The following UBE2E1 variants were observed in gnomAD, a reference collection of about 807,000 sequenced individuals.
The protein encoded by UBE2E1 is ubiquitin conjugating enzyme E2 E1, also known as ubiquitin-conjugating enzyme E2 E1.
UBE2E1 carries 6 observed loss-of-function variants against 21.4 expected under a neutral mutation model. That is an observed-to-expected ratio of 0.28 (90% CI 0.15 to 0.55). UBE2E1 has a LOEUF of 0.55. UBE2E1 is among the 20% of genes least tolerant of loss of function. The pLI, the probability that UBE2E1 is intolerant of heterozygous loss-of-function variation, is 0.93. For synonymous variants in UBE2E1, 87 were observed against 82.7 expected (o/e 1.05, Z -0.28); for missense variants, 142 against 236.5 (o/e 0.60, Z 2.62).
rs546019268 is a variant in UBE2E1, at chr3:23,881,763, G to C, written c.204-5804G>C. 1.6e-3 allele frequency among the ~76,000 whole-genome samples: 250 copies of C among 152,300 alleles called. 1 individual carries two copies. Among genetic ancestry groups the C allele is most frequent in the African/African-American group, 5.9e-3 (247 of 41,574 alleles). ...CAAGAATGAAGCCGCGGACCCTCAC[G>C]GTGAGTGTTAACAGTTCTTAAAGAT... On this transcript the variant is annotated intron_variant, in intron 3 of 5. Transcript: ENST00000306627.
At chr3:23,875,669 G>A (rs1247534895) in intron 3 of UBE2E1, among the ~76,000 whole-genome samples, 1 of 152,216 alleles carries the variant, frequency 6.6e-6, no homozygotes, top group East Asian at 1.9e-4. Context: ...CACTGTTGGA[G>A]ATCTTAAGTG....
chr3:23,889,841 G>C (rs920551105), intron 5 of UBE2E1: 2 of 819,610 alleles, frequency 2.4e-6, no homozygotes, highest in Non-Finnish European at 2.9e-6. Context: ...AGTGAGCCAT[G>C]AGCATGTCAC....
chr3:23,831,942 C>CGCCG (rs1559479789), intron 3 of UBE2E1, among the ~76,000 whole-genome samples: 2 of 152,056 alleles, frequency 1.3e-5, no homozygotes, highest in African/African-American at 4.8e-5. Flanking sequence ...TCAGGTGATT[C>CGCCG]GCCTGCCTCC....
At chr3:23,854,079 G>A (rs111889665) in intron 3 of UBE2E1, among the ~76,000 whole-genome samples, 121 of 152,070 alleles carry the variant, frequency 8.0e-4, no homozygotes, top group African/African-American at 2.8e-3. Flanking sequence ...CCAACATGGC[G>A]AAACCCCACG....
At chr3:23,872,445 G>T (rs887650782) in intron 3 of UBE2E1, among the ~76,000 whole-genome samples, 2 of 152,016 alleles carry the variant, frequency 1.3e-5, no homozygotes, top group African/African-American at 2.4e-5. Flanking sequence ...TTAATGTCTG[G>T]GAGTAAGAAT....
chr3:23,863,864 G>C lies in UBE2E1; in HGVS notation c.204-23703G>C, dbSNP rs187061575. On this transcript the variant is annotated intron_variant, in intron 3 of 5. Coordinates refer to ENST00000306627, the MANE Select transcript of UBE2E1 (RefSeq NM_003341.5). This position sits in a 1 kb window ranked among gnomAD's most constrained non-coding sequence, Gnocchi z 4.3. ...TCTTTTTTGAAGAAATCTCTCCCCAGAGCCATCTGACCTCTTCTGGTTTTA... is the reference window on the plus strand; with the variant it reads ...TCTTTTTTGAAGAAATCTCTCCCCACAGCCATCTGACCTCTTCTGGTTTTA... 4.1e-3 allele frequency among the ~76,000 whole-genome samples: 619 copies of C among 152,256 alleles called. 2 individuals are homozygous for C. Among genetic ancestry groups the C allele is most frequent in the Non-Finnish European group, 6.5e-3 (440 of 68,018 alleles).
rs1428890989 is a variant in UBE2E1, at chr3:23,887,534, C to A, written c.204-33C>A. 1.9e-6 allele frequency: 3 copies of A among 1,588,174 alleles called. No homozygotes were observed. ...CACTGTAAAAATTGGGATAGTGCCACCATCTGCTTATTTGTTGACGTATTA... is the reference window on the plus strand; with the variant it reads ...CACTGTAAAAATTGGGATAGTGCCAACATCTGCTTATTTGTTGACGTATTA... On this transcript the variant is annotated intron_variant, in intron 3 of 5. Coordinates refer to ENST00000306627, the MANE Select transcript of UBE2E1 (RefSeq NM_003341.5). This position sits in a 1 kb window ranked among gnomAD's most constrained non-coding sequence, Gnocchi z 4.4.
intron 3 of UBE2E1, among the ~76,000 whole-genome samples, chr3:23,821,234 G>T (rs1699636901): frequency 6.6e-6 from 1 of 152,202 alleles, no homozygotes; most frequent in Admixed American, 6.5e-5. Context: ...AGAGTGCAGT[G>T]ATGGAGAATA....
At position 23,823,443 on chromosome 3, in the gene UBE2E1, C is replaced by A. The variant is rs1006199782; in HGVS notation, c.203+11933C>A. Among the ~76,000 whole-genome samples the A allele has an allele frequency of 1.7e-4, 26 of 152,324 alleles. No homozygotes were observed. The highest frequency in any genetic ancestry group is 5.5e-4 in the African/African-American group (23 of 41,574). On this transcript the variant is annotated intron_variant, in intron 3 of 5. Coordinates refer to ENST00000306627, the MANE Select transcript of UBE2E1 (RefSeq NM_003341.5). This position sits in a 1 kb window ranked among gnomAD's most constrained non-coding sequence, Gnocchi z 4.2. ...AAGCAACAAATAATATGTGGAACCA[C>A]AACTGTTTTGGCTACGTAGGAATTT...
chr3:23,817,282 C>T (rs977622000), intron 3 of UBE2E1, among the ~76,000 whole-genome samples: 2 of 151,930 alleles, frequency 1.3e-5, no homozygotes. Flanking sequence ...ATTAGCCGGG[C>T]GTGGTGACGC....
At chr3:23,877,815 C>G (rs1026052792) in intron 3 of UBE2E1, among the ~76,000 whole-genome samples, 2 of 152,130 alleles carry the variant, frequency 1.3e-5, no homozygotes, top group Non-Finnish European at 2.9e-5. Context: ...AAGCTTATTC[C>G]AAGTGCCAGT....
chr3:23,852,304 G>A (rs1174289230), intron 3 of UBE2E1, among the ~76,000 whole-genome samples: 1 of 151,884 alleles, frequency 6.6e-6, no homozygotes, highest in African/African-American at 2.4e-5. Context: ...TTCAATGATG[G>A]TTTTTAGTCT....
rs111533632 is a variant in UBE2E1, at chr3:23,849,810, A to G, written c.204-37757A>G. Among the ~76,000 whole-genome samples, 665 of 152,300 alleles carry G rather than the reference A, an allele frequency of 4.4e-3. 18 individuals are homozygous for G. The East Asian group carries it at 0.052, about 12-fold the overall frequency. On this transcript the variant is annotated intron_variant, in intron 3 of 5. Transcript: ENST00000306627. Reference sequence around the variant, plus strand: ...CTTTGGTATTGTAAATAGTGCTGCAATAAACGTATGTGTGCAGTGTCTTTA... The same window carrying G: ...CTTTGGTATTGTAAATAGTGCTGCAGTAAACGTATGTGTGCAGTGTCTTTA...
intron 3 of UBE2E1, among the ~76,000 whole-genome samples, chr3:23,831,533 T>C (rs1051463138): frequency 4.0e-5 from 6 of 150,834 alleles, no homozygotes; most frequent in Non-Finnish European, 8.9e-5. Flanking sequence ...TTTTTTTTTT[T>C]CGAGACATGG....
chr3:23,825,623 T>C (rs991123337), intron 3 of UBE2E1, among the ~76,000 whole-genome samples: 4 of 152,104 alleles, frequency 2.6e-5, no homozygotes, highest in East Asian at 1.9e-4. Context: ...TGGTGCCACA[T>C]TGGGGAAATG....
At chr3:23,817,160 A>C (rs1463965086) in intron 3 of UBE2E1, among the ~76,000 whole-genome samples, 2 of 152,138 alleles carry the variant, frequency 1.3e-5, no homozygotes, top group Admixed American at 6.5e-5. Context: ...GAAAAGGCAC[A>C]AGCTGGGCAT....
intron 3 of UBE2E1, among the ~76,000 whole-genome samples, chr3:23,878,727 T>A (rs976576687): frequency 6.6e-6 from 1 of 152,218 alleles, no homozygotes; most frequent in African/African-American, 2.4e-5. Context: ...CCTGATGATC[T>A]GCTACTGTCA....
At position 23,890,827 on chromosome 3, in the gene UBE2E1, T is replaced by C; in HGVS notation, c.*221T>C. ...TTTAAAATTGTCATTAGTTCTGCAA[T>C]ATTAGCTGAAATGTAGTACAGAAAA... On this transcript the variant is annotated 3_prime_UTR_variant, in exon 6 of 6. Transcript: ENST00000306627. 4.8e-6 allele frequency: 2 copies of C among 416,576 alleles called. No homozygotes were observed. Among genetic ancestry groups the C allele is most frequent in the Non-Finnish European group, 4.2e-6 (1 of 235,812 alleles). 25.8% of individuals were successfully genotyped at this position (416,576 alleles called of 1,614,324 possible).
chr3:23,878,124 C>A (rs1470762925), intron 3 of UBE2E1, among the ~76,000 whole-genome samples: 1 of 152,064 alleles, frequency 6.6e-6, no homozygotes, highest in Admixed American at 6.6e-5. Flanking sequence ...CTTGGCTTCC[C>A]CAAATGGTAG....
Sources: allele counts gnomAD v4.1 joint callset (sites outside exome capture counted in the v4.1 genomes callset), GRCh38; gene constraint gnomAD v4.1.1; non-coding constraint Gnocchi (gnomAD v3.1); transcripts MANE v1.5; gene names NCBI Gene and HGNC (gene_info 2026-07-23, HGNC 2026-07-21).